ZC2HC1A: variants seen among roughly 807,000 people sequenced by gnomAD.
The protein encoded by ZC2HC1A is zinc finger C2HC domain-containing protein 1A.
In ZC2HC1A, 28 loss-of-function variants were observed where a neutral mutation model predicts 40.7. That is an observed-to-expected ratio of 0.69 (90% CI 0.51 to 0.94). ZC2HC1A has a LOEUF of 0.94. Ranked by LOEUF, ZC2HC1A falls within the 40% of genes least tolerant of loss-of-function variation. The probability of loss-of-function intolerance (pLI) is 0.00; values close to 1 mark genes in which losing one functional copy is unlikely to be tolerated. For missense variants in ZC2HC1A, 389 were observed against 386.3 expected (o/e 1.01, Z -0.06); for synonymous variants, 129 against 129.2 (o/e 1.00, Z 0.01).
At position 78,685,836 on chromosome 8, in the gene ZC2HC1A, A is replaced by T. The variant is rs557584752; in HGVS notation, c.211-631A>T. 2.6e-5 allele frequency: 4 copies of T among 152,346 alleles called. No individual in the cohort carries two copies. The South Asian group carries it at 8.3e-4, about 32-fold the overall frequency. 9.4% of individuals were successfully genotyped at this position (152,346 alleles called of 1,614,324 possible). A position where few individuals can be genotyped will look rare whatever the true frequency, so the allele number is the denominator to read the frequency against. On this transcript the variant is annotated intron_variant, in intron 3 of 8. Coordinates refer to ENST00000263849, the MANE Select transcript of ZC2HC1A (RefSeq NM_016010.3). ...GTGTTAGTCTCTTTTCTGCTGCTGT[A>T]ATAGAGTACCACAAACTGGATAATT...
intron 5 of ZC2HC1A, among the ~76,000 whole-genome samples, chr8:78,693,546 G>A (rs1810292708): frequency 6.6e-6 from 1 of 152,114 alleles, no homozygotes; most frequent in South Asian, 2.1e-4. Context: ...AGAAGTGTCT[G>A]TTCATATCCT....
At position 78,666,127 on chromosome 8, in the gene ZC2HC1A, C is replaced by A. The variant is rs1239445819; in HGVS notation, c.-22C>A. 1.9e-6 allele frequency: 3 copies of A among 1,565,730 alleles called. No individual in the cohort carries two copies. Among genetic ancestry groups the A allele is most frequent in the Non-Finnish European group, 2.6e-6 (3 of 1,155,208 alleles). On this transcript the variant is annotated 5_prime_UTR_variant, in exon 1 of 9. The change creates a new upstream start codon in the 5' untranslated region. Transcript: ENST00000263849. ...GGCGGGCGCTGCTGAAGGAGTCTCG[C>A]TGAGCTCGAGGAGGTGGCGCGATGG...
chr8:78,686,902 A>G (rs1281073858), intron 4 of ZC2HC1A, among the ~76,000 whole-genome samples: 1 of 152,134 alleles, frequency 6.6e-6, no homozygotes, highest in African/African-American at 2.4e-5. Context: ...TCCAGGAAAT[A>G]TTTTAACCAT....
rs549191735 is a variant in ZC2HC1A at position 78,673,985 on chromosome 8, T to C, written c.17-1802T>C. Among the ~76,000 whole-genome samples, 4 of 152,290 alleles carry C rather than the reference T, an allele frequency of 2.6e-5. No homozygotes were observed. The South Asian group carries it at 8.3e-4, about 32-fold the overall frequency. Reference sequence around the variant, plus strand: ...TTTAAAAAAACATTTTAAACATGTTTGATAACTTGTGGAAATTAATGTCAA... The same window carrying C: ...TTTAAAAAAACATTTTAAACATGTTCGATAACTTGTGGAAATTAATGTCAA... On this transcript the variant is annotated intron_variant, in intron 1 of 8. Coordinates refer to ENST00000263849, the MANE Select transcript of ZC2HC1A (RefSeq NM_016010.3).
At chr8:78,709,386 T>C (rs1017543965) in intron 7 of ZC2HC1A, among the ~76,000 whole-genome samples, 1 of 152,178 alleles carries the variant, frequency 6.6e-6, no homozygotes, top group African/African-American at 2.4e-5. Flanking sequence ...GTGAAATGAA[T>C]TTGTGTGGAG....
At chr8:78,696,497 T>C (rs1415926366) in intron 5 of ZC2HC1A, among the ~76,000 whole-genome samples, 1 of 152,206 alleles carries the variant, frequency 6.6e-6, no homozygotes, top group Non-Finnish European at 1.5e-5. Flanking sequence ...CCTGGGCAAG[T>C]TCATTTCTTG....
At chr8:78,681,218 C>A (rs1406905576) in intron 3 of ZC2HC1A, among the ~76,000 whole-genome samples, 1 of 151,926 alleles carries the variant, frequency 6.6e-6, no homozygotes, top group East Asian at 1.9e-4. Context: ...CTGGGCCTCT[C>A]CTCCCTAAAA....
chr8:78,684,300 A>G (rs1366253350), intron 3 of ZC2HC1A, among the ~76,000 whole-genome samples: 1 of 152,226 alleles, frequency 6.6e-6, no homozygotes, highest in Non-Finnish European at 1.5e-5. Flanking sequence ...AGGCCTCACA[A>G]TCATGGTGGA....
Position 78,717,416 on chromosome 8 carries a change from C to T in ZC2HC1A, c.901C>T (p.His301Tyr). 1 of 1,612,460 alleles carries T rather than the reference C, an allele frequency of 6.2e-7. No individual in the cohort carries two copies. The highest frequency in any genetic ancestry group is 8.5e-7 in the Non-Finnish European group (1 of 1,179,648). The change falls in exon 9 of 9, where the codon CAT (histidine) becomes TAT (tyrosine). Residue 301 changes from histidine (H) to tyrosine (Y), a missense_variant. By Grantham distance (83) the His-to-Tyr change is moderately conservative (BLOSUM62 2). Coordinates refer to ENST00000263849, the MANE Select transcript of ZC2HC1A (RefSeq NM_016010.3). ...HSPGNLPKFCHECGTKYPVEW... is the reference protein window; with the variant it reads ...HSPGNLPKFCYECGTKYPVEW... ...ACCTGGAAACTTACCAAAATTCTGC[C>T]ATGAGTGTGGGACTAAATACCCTGT...
At chr8:78,711,538 A>C (rs1055840649) in intron 7 of ZC2HC1A, among the ~76,000 whole-genome samples, 13 of 152,090 alleles carry the variant, frequency 8.5e-5, no homozygotes, top group Non-Finnish European at 1.5e-5. Flanking sequence ...AATGGAGTAC[A>C]TGTTATTTAG....
intron 7 of ZC2HC1A, among the ~76,000 whole-genome samples, chr8:78,699,384 C>T (rs1365245431): frequency 6.6e-6 from 1 of 151,930 alleles, no homozygotes; most frequent in Non-Finnish European, 1.5e-5. Flanking sequence ...ACCACAGGAC[C>T]ATTAGAATGA....
intron 3 of ZC2HC1A, among the ~76,000 whole-genome samples, chr8:78,681,942 A>G (rs1433493756): frequency 1.8e-5 from 2 of 112,796 alleles, no homozygotes; most frequent in Non-Finnish European, 3.5e-5. Flanking sequence ...GGATCTTACT[A>G]TGTTGACCAG....
At chr8:78,686,931 T>G (rs1809998547) in intron 4 of ZC2HC1A, among the ~76,000 whole-genome samples, 1 of 152,148 alleles carries the variant, frequency 6.6e-6, no homozygotes, top group African/African-American at 2.4e-5. Flanking sequence ...CGGATTGAAA[T>G]GTAGTCATTC....
chr8:78,668,189 C>T (rs916996232), intron 1 of ZC2HC1A, among the ~76,000 whole-genome samples: 1 of 152,122 alleles, frequency 6.6e-6, no homozygotes, highest in African/African-American at 2.4e-5. Context: ...TAAGAGATCA[C>T]ACCTTGCAAA....
intron 2 of ZC2HC1A, among the ~76,000 whole-genome samples, chr8:78,677,782 A>C (rs1024869257): frequency 1.8e-4 from 27 of 152,152 alleles, no homozygotes; most frequent in African/African-American, 9.7e-5. Context: ...TTTGCACAGG[A>C]AACAATTTAG....
intron 7 of ZC2HC1A, among the ~76,000 whole-genome samples, chr8:78,714,040 T>C (rs73249933): frequency 0.091 from 13,894 of 152,144 alleles, 831 homozygotes; most frequent in East Asian, 0.29. Context: ...GTAAGAAAAA[T>C]TTCAACTAAA....
chr8:78,675,925 G>A, intron 2 of ZC2HC1A, 62 bp downstream of exon 2: 1 of 1,435,542 alleles, frequency 7.0e-7, no homozygotes, highest in Non-Finnish European at 9.7e-7. Flanking sequence ...AATAATTCTG[G>A]TCAATTCTCA....
At position 78,719,327 on chromosome 8, in the gene ZC2HC1A, G is replaced by A. The variant is rs908926594; in HGVS notation, c.*1834G>A. ...TTGTTTCTCACTGAATTTTACAGTA[G>A]TAAATTAATGTTATAATGTACCACA... On this transcript the variant is annotated 3_prime_UTR_variant, in exon 9 of 9. Coordinates refer to ENST00000263849, the MANE Select transcript of ZC2HC1A (RefSeq NM_016010.3). 2 of 151,650 alleles carry A rather than the reference G, an allele frequency of 1.3e-5. No homozygotes were observed. The highest frequency in any genetic ancestry group is 1.3e-4 in the Admixed American group (2 of 15,236). 9.4% of individuals were successfully genotyped at this position (151,650 alleles called of 1,614,324 possible).
rs78701869 is a variant in ZC2HC1A, at chr8:78,697,110, G to A, written c.505-297G>A. ...TCAATTTGTATAATTCAGTAGAAAA[G>A]ACTGTTCATTTAAGGGAATGTGAGC... On this transcript the variant is annotated intron_variant, in intron 5 of 8. Coordinates refer to ENST00000263849, the MANE Select transcript of ZC2HC1A (RefSeq NM_016010.3). 3.1e-4 allele frequency among the ~76,000 whole-genome samples: 47 copies of A among 152,266 alleles called. 1 individual carries two copies. The East Asian group carries it at 8.9e-3, about 29-fold the overall frequency.
Sources: allele counts gnomAD v4.1 joint callset (sites outside exome capture counted in the v4.1 genomes callset), GRCh38; gene constraint gnomAD v4.1.1; transcripts MANE v1.5; gene names NCBI Gene and HGNC (gene_info 2026-07-23, HGNC 2026-07-21).